The following TACC1 variants were observed in gnomAD, a reference collection of about 807,000 sequenced individuals.
TACC1 encodes the protein transforming acidic coiled-coil containing protein 1.
In TACC1, 48 loss-of-function variants were observed where a neutral mutation model predicts 84.4. The observed-to-expected ratio is 0.57, with a 90% confidence interval of 0.45 to 0.72. The LOEUF (loss-of-function observed/expected upper bound fraction) is 0.72, where lower values mean the gene tolerates loss of function less well. TACC1 is among the 30% of genes least tolerant of loss of function. TACC1 has a pLI of 0.00. For synonymous variants in TACC1, 372 were observed against 376.3 expected, an observed-to-expected ratio of 0.99 and a Z score of 0.13; for missense variants, 920 against 973.0, an observed-to-expected ratio of 0.95 and a Z score of 0.72.
Position 38,835,864 on chromosome 8 carries a change from G to A in TACC1, c.1714-298G>A, listed in dbSNP as rs76354819. 8.5e-5 allele frequency among the ~76,000 whole-genome samples: 13 copies of A among 152,264 alleles called. No homozygotes were observed. The East Asian group carries it at 2.5e-3, about 29-fold the overall frequency. ...ATGGGTGTGTTTCTCTTTTATCCATGTGGTTCTTTGGTGACTGACCGCTAT... is the reference window on the plus strand; with the variant it reads ...ATGGGTGTGTTTCTCTTTTATCCATATGGTTCTTTGGTGACTGACCGCTAT... On this transcript the variant is annotated intron_variant, in intron 6 of 12. Coordinates refer to ENST00000317827, the MANE Select transcript of TACC1 (RefSeq NM_006283.3).
chr8:38,765,326 C>T (rs1812034839), intron 3 of TACC1, among the ~76,000 whole-genome samples: 1 of 152,136 alleles, frequency 6.6e-6, no homozygotes. Flanking sequence ...ACCTGTCCCT[C>T]CCCTCCAACC....
Position 38,819,971 on chromosome 8 carries a change from A to C in TACC1, c.727A>C (p.Ile243Leu), listed in dbSNP as rs1387023568. 2 of 1,613,990 alleles carry C rather than the reference A, an allele frequency of 1.2e-6. No individual in the cohort carries two copies. Among genetic ancestry groups the C allele is most frequent in the Admixed American group, 1.7e-5 (1 of 60,008 alleles). ...PKPVPLRKKA[I>L]GGEFSDTNAA... is the part of the protein sequence containing the mutation. ...GCCTGTCCCCCTGAGGAAGAAAGCAATTGGAGGAGAGTTCTCAGACACCAA... is the reference window on the plus strand; with the variant it reads ...GCCTGTCCCCCTGAGGAAGAAAGCACTTGGAGGAGAGTTCTCAGACACCAA... The change falls in exon 3 of 13, where the codon ATT (isoleucine) becomes CTT (leucine). Residue 243 changes from isoleucine to leucine, a missense_variant. Ile to Leu is a conservative substitution (Grantham distance 5). Coordinates refer to ENST00000317827, the MANE Select transcript of TACC1 (RefSeq NM_006283.3).
At chr8:38,733,874 A>T (rs2151620855) in intron 1 of TACC1, among the ~76,000 whole-genome samples, 1 of 152,310 alleles carries the variant, frequency 6.6e-6, no homozygotes, top group South Asian at 2.1e-4. Flanking sequence ...TTTTGCTGGA[A>T]ACAAGAGGAC....
chr8:38,829,947 A>G (rs1828889817), intron 5 of TACC1, among the ~76,000 whole-genome samples: 1 of 152,112 alleles, frequency 6.6e-6, no homozygotes, highest in South Asian at 2.1e-4. Context: ...TACTTACTAG[A>G]TGTTCTCCAG....
chr8:38,791,343 G>A (rs977588443), intron 2 of TACC1, among the ~76,000 whole-genome samples: 4 of 152,150 alleles, frequency 2.6e-5, no homozygotes, highest in African/African-American at 9.7e-5. Context: ...GTAATTGTAG[G>A]GGTAGAGGAG....
rs1832388004 is a variant in TACC1, at chr8:38,846,734, C to T, written c.2264C>T (p.Ala755Val). The change falls in exon 12 of 13, where the codon GCA becomes GTA. Residue 755 changes from alanine (A) to valine (V), a missense_variant. By Grantham distance (64) the Ala-to-Val change is moderately conservative. Around this residue, in one of 2 missense-constraint regions of TACC1, gnomAD observed 158 missense variants for 225.6 expected, o/e 0.70. Transcript: ENST00000317827. ...NEEIAQVRTK[A>V]KAESAALHAG... ...GAGATTGCTCAGGTTCGAACAAAAGCAAAGGCTGAGAGTGCAGCTCTCCAT... is the reference window on the plus strand; with the variant it reads ...GAGATTGCTCAGGTTCGAACAAAAGTAAAGGCTGAGAGTGCAGCTCTCCAT... The T allele has an allele frequency of 6.2e-7, 1 of 1,614,016 alleles. No homozygotes were observed. The highest frequency in any genetic ancestry group is 1.1e-5 in the South Asian group (1 of 91,094).
chr8:38,755,110 A>AGATAGTG (rs1281383766), intron 3 of TACC1, among the ~76,000 whole-genome samples: 1 of 150,786 alleles, frequency 6.6e-6, no homozygotes, highest in East Asian at 1.9e-4. Context: ...TGGTGAGACA[A>AGATAGTG]GATAGTGCCA....
chr8:38,787,191 C>T (rs1817382332), upstream of TACC1: 1 of 987,048 alleles, frequency 1.0e-6, no homozygotes, highest in Non-Finnish European at 1.2e-6. Flanking sequence ...TTCTGGGGCG[C>T]GGCTCCGGCG....
chr8:38,738,496 G>A (rs992287530), intron 1 of TACC1, among the ~76,000 whole-genome samples: 4 of 152,138 alleles, frequency 2.6e-5, no homozygotes, highest in Non-Finnish European at 4.4e-5. Context: ...ATTTGTAGGG[G>A]CTTGTGGATT....
At chr8:38,825,732 T>C (rs900237986) in intron 4 of TACC1, among the ~76,000 whole-genome samples, 3 of 152,246 alleles carry the variant, frequency 2.0e-5, no homozygotes, top group Non-Finnish European at 2.9e-5. Flanking sequence ...CAGATGGTTT[T>C]CTAATTCATT....
intron 6 of TACC1, among the ~76,000 whole-genome samples, chr8:38,835,717 A>G (rs559354691): frequency 6.6e-6 from 1 of 152,390 alleles, no homozygotes; most frequent in Non-Finnish European, 1.5e-5. Context: ...TTCCATCTGC[A>G]GTGGCTAAAG....
At chr8:38,757,114 G>A in intron 3 of TACC1, 1 of 462,226 alleles carries the variant, frequency 2.2e-6, no homozygotes, top group Non-Finnish European at 3.2e-6. Flanking sequence ...CCAGGCGGCA[G>A]CACCCGCGGG....
intron 5 of TACC1, among the ~76,000 whole-genome samples, chr8:38,828,714 G>T (rs1828644040): frequency 6.6e-6 from 1 of 152,186 alleles, no homozygotes; most frequent in African/African-American, 2.4e-5. Context: ...AGGAAAGGGG[G>T]CAGGAGAGGG....
Position 38,852,259 on chromosome 8 carries a change from T to C in TACC1, c.*4236T>C. ...TTAACTATAATATGGTTACAGCTAT[T>C]ATATAAATATATATTCTGGTTATAG... On this transcript the variant is annotated 3_prime_UTR_variant, in exon 13 of 13. Coordinates refer to ENST00000317827, the MANE Select transcript of TACC1 (RefSeq NM_006283.3). 2 of 248,884 alleles carry C rather than the reference T, an allele frequency of 8.0e-6. No homozygotes were observed. Among genetic ancestry groups the C allele is most frequent in the Non-Finnish European group, 1.6e-5 (2 of 121,648 alleles). The allele number at this position is 248,884 out of a possible 1,614,324, so 15.4% of individuals were successfully genotyped here. A position where few individuals can be genotyped will look rare whatever the true frequency, so the allele number is the denominator to read the frequency against.
chr8:38,738,736 C>T (rs998170468), intron 1 of TACC1, among the ~76,000 whole-genome samples: 3 of 151,968 alleles, frequency 2.0e-5, no homozygotes, highest in African/African-American at 7.3e-5. Context: ...TGACCAAGTC[C>T]TAGAATCAGC....
In TACC1 at chr8:38,820,620, A is replaced by C; in HGVS notation, c.1376A>C (p.Lys459Thr). Residue 459 changes from lysine to threonine, a missense_variant, in exon 3 of 13, where the codon AAG (lysine) becomes ACG (threonine). Physicochemically the swap from Lys to Thr is moderately conservative, Grantham distance 78. This residue lies in a region of TACC1 where 762 missense variants were observed against 747.3 expected (regional missense o/e 1.02). Transcript: ENST00000317827. ...NEILESPKKA[K>T]SRLITSGCKV... ...ATCTTAGAATCACCCAAGAAGGCAA[A>C]GTCGCGTTTAATAACGTGAGTGACA... The C allele has an allele frequency of 6.2e-7, 1 of 1,606,666 alleles. No homozygotes were observed. Among genetic ancestry groups the C allele is most frequent in the Non-Finnish European group, 8.5e-7 (1 of 1,179,320 alleles).
At chr8:38,836,743 C>T (rs1830319133) in intron 7 of TACC1, among the ~76,000 whole-genome samples, 1 of 152,126 alleles carries the variant, frequency 6.6e-6, no homozygotes, top group African/African-American at 2.4e-5. Context: ...AGCCTTTGTT[C>T]AAAATAGATC....
chr8:38,792,571 T>C (rs915402914), intron 2 of TACC1, among the ~76,000 whole-genome samples: 4 of 152,190 alleles, frequency 2.6e-5, no homozygotes, highest in Admixed American at 6.5e-5. Flanking sequence ...GTTCACGCCA[T>C]TCTTCTGCCT....
intron 2 of TACC1, among the ~76,000 whole-genome samples, chr8:38,802,933 C>G (rs556992803): frequency 1.3e-5 from 2 of 152,210 alleles, no homozygotes; most frequent in Admixed American, 6.5e-5. Flanking sequence ...ACCTACAACA[C>G]TGGGAATCAA....
Sources: allele counts gnomAD v4.1 joint callset (sites outside exome capture counted in the v4.1 genomes callset), GRCh38; gene constraint gnomAD v4.1.1; regional missense constraint gnomAD v4.1.1; transcripts MANE v1.5; gene names NCBI Gene and HGNC (gene_info 2026-07-23, HGNC 2026-07-21).